CDC26: variants seen among roughly 807,000 people sequenced by gnomAD.
CDC26 encodes the protein anaphase-promoting complex subunit CDC26.
In CDC26, 2 loss-of-function variants were observed where a neutral mutation model predicts 8.0. The observed-to-expected ratio is 0.25, with a 90% CI of 0.10 to 0.79. The LOEUF (loss-of-function observed/expected upper bound fraction) is 0.79, where lower values mean the gene tolerates loss of function less well. Among genes scored for constraint, CDC26 ranks in the 30% least tolerant of loss-of-function variants. The probability of loss-of-function intolerance (pLI) is 0.70; values close to 1 mark genes in which losing one functional copy is unlikely to be tolerated. For missense variants in CDC26, 68 were observed against 106.0 expected (o/e 0.64, Z 1.57); for synonymous variants, 19 against 34.9 (o/e 0.55, Z 1.60).
chr9:113,274,929 T>C (rs1387104606), intron 1 of CDC26, among the ~76,000 whole-genome samples: 2 of 152,212 alleles, frequency 1.3e-5, no homozygotes, highest in Non-Finnish European at 2.9e-5. Flanking sequence ...CTTATCCTGT[T>C]CGTCTCTAAT....
intron 3 of CDC26, 51 bp from the exon 4 acceptor site, chr9:113,267,490 ATGT>A: frequency 6.4e-7 from 1 of 1,563,342 alleles, no homozygotes; most frequent in Non-Finnish European, 8.7e-7. Flanking sequence ...CAATTAGCAA[ATGT>A]TTATTTAGAA....
Position 113,267,330 on chromosome 9 carries a change from C to T in CDC26, c.191G>A (p.Arg64Gln). The T allele has an allele frequency of 7.5e-6, 12 of 1,595,464 alleles. No individual in the cohort carries two copies. The highest frequency in any genetic ancestry group is 1.0e-5 in the Non-Finnish European group (12 of 1,171,292). ...CTTGGGTTGGGGTTTATAACCAATCCGATCATTGATCATTTGTTCCCGGCT... is the reference window on the plus strand; with the variant it reads ...CTTGGGTTGGGGTTTATAACCAATCTGATCATTGATCATTTGTTCCCGGCT... ...PKSREQMIND[R>Q]IGYKPQPKPN... is the part of the protein sequence containing the mutation. Residue 64 changes from arginine to glutamine, a missense_variant, in exon 4 of 4, where the codon CGG becomes CAG. Transcript: ENST00000374206.
At chr9:113,274,971 C>G (rs1383345981) in intron 1 of CDC26, among the ~76,000 whole-genome samples, 1 of 152,158 alleles carries the variant, frequency 6.6e-6, no homozygotes, top group Non-Finnish European at 1.5e-5. Context: ...GAGAGACGTA[C>G]AGAGTTACCT....
intron 3 of CDC26, among the ~76,000 whole-genome samples, chr9:113,268,517 T>C (rs1040639679): frequency 1.3e-5 from 2 of 152,192 alleles, no homozygotes; most frequent in African/African-American, 4.8e-5. Context: ...GAGAGTGAAA[T>C]GATGTTTTAT....
chr9:113,275,489 T>C lies in CDC26; in HGVS notation c.-259A>G. ...TCCCAGACTGCTTGGAGCCTCTCTC[T>C]CCGCAGAACCTCGTCTTCCGCGAGC... is the stretch of plus-strand genomic sequence containing the variant. On this transcript the variant is annotated 5_prime_UTR_variant, in exon 1 of 4. Transcript: ENST00000374206. 4.2e-6 allele frequency: 2 copies of C among 481,182 alleles called. No individual in the cohort carries two copies. The highest frequency in any genetic ancestry group is 7.5e-6 in the Non-Finnish European group (2 of 267,680). The allele number at this position is 481,182 out of a possible 1,614,324, so 29.8% of individuals were successfully genotyped here. A position where few individuals can be genotyped will look rare whatever the true frequency, so the allele number is the denominator to read the frequency against.
At chr9:113,269,242 AAAAT>A (rs1564229920) in intron 3 of CDC26, among the ~76,000 whole-genome samples, 1 of 152,206 alleles carries the variant, frequency 6.6e-6, no homozygotes. Context: ...ATAAAAAAAA[AAAAT>A]AAATGCCAAC....
intron 3 of CDC26, 52 bp from the exon 4 acceptor site, chr9:113,267,491 T>A: frequency 6.4e-7 from 1 of 1,563,868 alleles, no homozygotes; most frequent in Non-Finnish European, 8.7e-7. Context: ...AATTAGCAAA[T>A]GTTTATTTAG....
intron 2 of CDC26, 119 bp downstream of exon 2, chr9:113,273,210 G>A (rs893881731): frequency 6.6e-6 from 1 of 152,188 alleles, no homozygotes; most frequent in East Asian, 1.9e-4. Context: ...AGTATAGTTA[G>A]AGGAAAAAGT....
chr9:113,268,651 C>T (rs943175366), intron 3 of CDC26, among the ~76,000 whole-genome samples: 1 of 152,226 alleles, frequency 6.6e-6, no homozygotes, highest in Non-Finnish European at 1.5e-5. Flanking sequence ...CGCAGTGGCT[C>T]ATGCCTGTAA....
intron 3 of CDC26, among the ~76,000 whole-genome samples, chr9:113,268,978 C>T (rs558495101): frequency 6.6e-6 from 1 of 152,282 alleles, no homozygotes; most frequent in South Asian, 2.1e-4. Context: ...TGGTCTCAAT[C>T]TCTTGACCTC....
At chr9:113,269,833 G>A (rs1461382160) in intron 3 of CDC26, among the ~76,000 whole-genome samples, 1 of 152,208 alleles carries the variant, frequency 6.6e-6, no homozygotes, top group Non-Finnish European at 1.5e-5. Context: ...GTCTTAATAT[G>A]AAGCATATAC....
At chr9:113,272,323 C>G in intron 3 of CDC26, 104 bp downstream of exon 3, 1 of 826,984 alleles carries the variant, frequency 1.2e-6, no homozygotes, top group South Asian at 1.4e-5. Flanking sequence ...GAGGCTGAGG[C>G]AGAGGAGGCA....
chr9:113,269,671 C>T (rs1831923991), intron 3 of CDC26, among the ~76,000 whole-genome samples: 1 of 152,186 alleles, frequency 6.6e-6, no homozygotes, highest in Non-Finnish European at 1.5e-5. Flanking sequence ...AGCATGCTAG[C>T]ATTTTATGAG....
chr9:113,267,726 C>T (rs1371545742), intron 3 of CDC26, among the ~76,000 whole-genome samples: 2 of 152,100 alleles, frequency 1.3e-5, no homozygotes, highest in South Asian at 4.1e-4. Context: ...CGGTGGCTCA[C>T]ATCTGTAATC....
At chr9:113,272,663 T>A (rs1564233044) in intron 2 of CDC26, 115 bp from the exon 3 acceptor site, 5 of 591,388 alleles carry the variant, frequency 8.5e-6, no homozygotes, top group Non-Finnish European at 1.5e-5. Flanking sequence ...TAAAAATTTA[T>A]TTGAATTTAC....
At chr9:113,272,820 T>C (rs1210949628) in intron 2 of CDC26, among the ~76,000 whole-genome samples, 2 of 151,626 alleles carry the variant, frequency 1.3e-5, no homozygotes, top group Non-Finnish European at 2.9e-5. Flanking sequence ...GCCTCCAGAG[T>C]AGCTGGGACT....
chr9:113,270,169 A>G (rs1831931359), intron 3 of CDC26, among the ~76,000 whole-genome samples: 2 of 152,196 alleles, frequency 1.3e-5, no homozygotes, highest in African/African-American at 4.8e-5. Context: ...AAAGAAAAAG[A>G]AAGGGCTTTT....
intron 1 of CDC26, among the ~76,000 whole-genome samples, chr9:113,275,098 C>A (rs1245081184): frequency 6.6e-6 from 1 of 152,262 alleles, no homozygotes; most frequent in East Asian, 1.9e-4. Flanking sequence ...TTGGCACTAG[C>A]GGGCTCTTCT....
intron 3 of CDC26, 95 bp downstream of exon 3, chr9:113,272,332 C>A: frequency 1.1e-6 from 1 of 894,008 alleles, no homozygotes; most frequent in African/African-American, 1.6e-5. Flanking sequence ...GCAGAGGAGG[C>A]AGAGGTTGCA....
Sources: gnomAD v4.1 joint callset for allele counts (sites outside exome capture counted in the v4.1 genomes callset) on GRCh38, gnomAD v4.1.1 for gene constraint, MANE v1.5 for transcripts, NCBI Gene and HGNC (gene_info 2026-07-23, HGNC 2026-07-21) for gene names.